Variants in FERRY3 observed in about 807,000 individuals in gnomAD.
The protein encoded by FERRY3 is FERRY endosomal RAB5 effector complex subunit 3.
chr12:4,500,120 A>AT, the FERRY3 span: 1 of 1,590,892 alleles, frequency 6.3e-7, no homozygotes, highest in African/African-American at 1.3e-5. Context: ...AAATTACAGG[A>AT]TTTTTCTATC....
chr12:4,514,828 T>C, the FERRY3 span, among the ~76,000 whole-genome samples: 1 of 152,106 alleles, frequency 6.6e-6, no homozygotes, highest in African/African-American at 2.4e-5. Flanking sequence ...GCATGGCACA[T>C]GTATACATAT....
the FERRY3 span, chr12:4,489,650 A>T: frequency 2.0e-6 from 1 of 508,324 alleles, no homozygotes; most frequent in Non-Finnish European, 3.5e-6. Context: ...TGCAGTATAT[A>T]AATTTTTGGA....
At chr12:4,492,335 G>T in the FERRY3 span, among the ~76,000 whole-genome samples, 6 of 152,136 alleles carry the variant, frequency 3.9e-5, no homozygotes, top group Non-Finnish European at 8.8e-5. Flanking sequence ...CATTCAATCT[G>T]TTATATTATC....
At chr12:4,517,388 A>G in the FERRY3 span, among the ~76,000 whole-genome samples, 5 of 152,080 alleles carry the variant, frequency 3.3e-5, no homozygotes, top group African/African-American at 1.2e-4. Flanking sequence ...CCTCTCTAAC[A>G]CTCAAAAGAG....
At chr12:4,495,729 G>A in the FERRY3 span, among the ~76,000 whole-genome samples, 2 of 152,188 alleles carry the variant, frequency 1.3e-5, no homozygotes, top group Admixed American at 1.3e-4. Flanking sequence ...AGGTCATCAC[G>A]TTTTCCTCAT....
the FERRY3 span, among the ~76,000 whole-genome samples, chr12:4,515,261 T>C: frequency 6.6e-6 from 1 of 152,254 alleles, no homozygotes; most frequent in Non-Finnish European, 1.5e-5. Context: ...TAAAAACCAT[T>C]TCCAGGATGG....
At chr12:4,535,156 C>A in the FERRY3 span, among the ~76,000 whole-genome samples, 1 of 152,174 alleles carries the variant, frequency 6.6e-6, no homozygotes, top group African/African-American at 2.4e-5. This position sits in a 1 kb window ranked among gnomAD's most constrained non-coding sequence, Gnocchi z 4.0. Context: ...AGTTAGGACA[C>A]CTGTGTTCTG....
the FERRY3 span, among the ~76,000 whole-genome samples, chr12:4,490,303 T>C: frequency 6.6e-6 from 1 of 152,180 alleles, no homozygotes; most frequent in Non-Finnish European, 1.5e-5. Context: ...CAAGTTTTGT[T>C]CAGGGGTTAA....
the FERRY3 span, among the ~76,000 whole-genome samples, chr12:4,536,638 AG>A: frequency 6.6e-6 from 1 of 152,174 alleles, no homozygotes; most frequent in Non-Finnish European, 1.5e-5. Context: ...GAGAACTTAG[AG>A]GTTGTGGTCA....
At chr12:4,521,375 G>A in the FERRY3 span, among the ~76,000 whole-genome samples, 1 of 151,944 alleles carries the variant, frequency 6.6e-6, no homozygotes, top group African/African-American at 2.4e-5. Flanking sequence ...CTCGGGGCCG[G>A]GGAGGAGAAG....
chr12:4,505,456 A>C, the FERRY3 span: 1 of 1,033,152 alleles, frequency 9.7e-7, no homozygotes, highest in South Asian at 1.4e-5. Flanking sequence ...TCCCAAAAGA[A>C]TCACAACAAC....
the FERRY3 span, among the ~76,000 whole-genome samples, chr12:4,520,453 G>A: frequency 1.3e-5 from 2 of 152,220 alleles, no homozygotes; most frequent in Non-Finnish European, 2.9e-5. Context: ...CAAAAGTATG[G>A]AGGCAGACTC....
At chr12:4,494,766 T>C in the FERRY3 span, among the ~76,000 whole-genome samples, 1 of 152,258 alleles carries the variant, frequency 6.6e-6, no homozygotes. Context: ...GTAAGTTCTT[T>C]AACTTTGTTC....
the FERRY3 span, among the ~76,000 whole-genome samples, chr12:4,535,045 A>C: frequency 6.6e-6 from 1 of 152,262 alleles, no homozygotes; most frequent in Non-Finnish European, 1.5e-5. This position sits in a 1 kb window ranked among gnomAD's most constrained non-coding sequence, Gnocchi z 4.0. Context: ...AAGAGAAGTT[A>C]AATGACTAGC....
the FERRY3 span, chr12:4,489,798 T>C: frequency 6.4e-7 from 1 of 1,573,528 alleles, no homozygotes; most frequent in South Asian, 1.1e-5. Flanking sequence ...CATGTCAATC[T>C]ATAAGGGTTT....
the FERRY3 span, chr12:4,491,058 A>G: frequency 2.0e-5 from 17 of 856,024 alleles, no homozygotes; most frequent in South Asian, 2.5e-4. Flanking sequence ...TTGCTAAACT[A>G]TCTAACTGAG....
chr12:4,518,232 T>C, the FERRY3 span: 1 of 1,613,960 alleles, frequency 6.2e-7, no homozygotes, highest in African/African-American at 1.3e-5. Flanking sequence ...AATCTCAAAT[T>C]ATGCATGGTC....
chr12:4,509,745 T>C, the FERRY3 span, among the ~76,000 whole-genome samples: 3 of 141,916 alleles, frequency 2.1e-5, no homozygotes, highest in Non-Finnish European at 3.0e-5. Flanking sequence ...AAAACCCATC[T>C]GTACATCACC....
At chr12:4,535,944 A>G in the FERRY3 span, 2 of 1,262,538 alleles carry the variant, frequency 1.6e-6, no homozygotes, top group East Asian at 2.7e-5. The surrounding 1 kb of genome is among the most constrained non-coding windows in gnomAD (Gnocchi z 4.0). Flanking sequence ...TATGCTTTCT[A>G]ATATGAAACT....
Sources: gnomAD v4.1 joint callset for allele counts (sites outside exome capture counted in the v4.1 genomes callset) on GRCh38, gnomAD v4.1.1 for gene constraint, Gnocchi (gnomAD v3.1) non-coding constraint, MANE v1.5 for transcripts, NCBI Gene and HGNC (gene_info 2026-07-23, HGNC 2026-07-21) for gene names.